Variants in LOC400499 observed in about 807,000 individuals in gnomAD.
the LOC400499 span, among the ~76,000 whole-genome samples, chr16:11,377,080 A>G: frequency 6.6e-6 from 1 of 152,050 alleles, no homozygotes; most frequent in Non-Finnish European, 1.5e-5. Context: ...CAGCCTCCCA[A>G]GTAGCTGAGA....
the LOC400499 span, among the ~76,000 whole-genome samples, chr16:11,418,448 T>C: frequency 6.6e-6 from 1 of 152,184 alleles, no homozygotes; most frequent in Non-Finnish European, 1.5e-5. Context: ...AAGAGTGACC[T>C]CTGGTCGTCC....
At chr16:11,396,404 A>C in the LOC400499 span, 1 of 1,068,476 alleles carries the variant, frequency 9.4e-7, no homozygotes, top group Non-Finnish European at 1.2e-6. Flanking sequence ...GATAGCCACT[A>C]GATGGCGGGG....
chr16:11,505,674 C>T, the LOC400499 span, among the ~76,000 whole-genome samples: 3 of 151,814 alleles, frequency 2.0e-5, no homozygotes, highest in Non-Finnish European at 2.9e-5. Context: ...TCTCAAACCC[C>T]TGGGGTTTAA....
the LOC400499 span, chr16:11,475,764 A>T: frequency 5.0e-6 from 2 of 397,970 alleles, no homozygotes; most frequent in East Asian, 7.1e-5. Flanking sequence ...TCATTCATTC[A>T]TTAGACAAGT....
At chr16:11,514,607 C>G in the LOC400499 span, 1 of 399,554 alleles carries the variant, frequency 2.5e-6, no homozygotes. Context: ...CAGCTGGGAC[C>G]AAGGGGAGGA....
chr16:11,423,446 G>A, the LOC400499 span, among the ~76,000 whole-genome samples: 2 of 152,232 alleles, frequency 1.3e-5, no homozygotes, highest in African/African-American at 2.4e-5. Context: ...GAAGGTAAAC[G>A]GAGCTCCCAG....
chr16:11,415,924 C>A, the LOC400499 span, among the ~76,000 whole-genome samples: 14 of 149,400 alleles, frequency 9.4e-5, no homozygotes, highest in African/African-American at 3.3e-4. Context: ...AGGCTAACGG[C>A]CAAAAATAAA....
chr16:11,422,977 GC>G, the LOC400499 span, among the ~76,000 whole-genome samples: 1 of 152,008 alleles, frequency 6.6e-6, no homozygotes, highest in Non-Finnish European at 1.5e-5. Flanking sequence ...TTGAGCTGAT[GC>G]CCCTGGGAAC....
At chr16:11,398,537 G>A in the LOC400499 span, 6 of 1,231,314 alleles carry the variant, frequency 4.9e-6, no homozygotes, top group Non-Finnish European at 5.1e-6. Context: ...ATGGGTCAGG[G>A]GCTCATCACC....
chr16:11,403,365 C>G, the LOC400499 span, among the ~76,000 whole-genome samples: 3 of 152,236 alleles, frequency 2.0e-5, no homozygotes, highest in African/African-American at 7.2e-5. Flanking sequence ...ACTGTCAACA[C>G]CGTGTGGGGC....
the LOC400499 span, among the ~76,000 whole-genome samples, chr16:11,378,478 G>A: frequency 6.6e-6 from 1 of 152,092 alleles, no homozygotes; most frequent in African/African-American, 2.4e-5. Context: ...TTGCCAAGCT[G>A]GGCTCAAACT....
chr16:11,501,229 T>C, the LOC400499 span, among the ~76,000 whole-genome samples: 3 of 152,010 alleles, frequency 2.0e-5, no homozygotes, highest in Admixed American at 2.0e-4. Flanking sequence ...CCGTACCCAG[T>C]GCTCTGCTGA....
chr16:11,377,855 G>T, the LOC400499 span, among the ~76,000 whole-genome samples: 7 of 152,186 alleles, frequency 4.6e-5, no homozygotes, highest in Non-Finnish European at 7.3e-5. Context: ...GGAAGAATAT[G>T]AGCAGGATTG....
the LOC400499 span, among the ~76,000 whole-genome samples, chr16:11,506,630 T>G: frequency 2.0e-5 from 3 of 152,116 alleles, no homozygotes; most frequent in Non-Finnish European, 4.4e-5. Flanking sequence ...TCCTCCTCCT[T>G]TGTTCCTTAG....
At chr16:11,502,225 G>C in the LOC400499 span, 1 of 398,692 alleles carries the variant, frequency 2.5e-6, no homozygotes, top group Non-Finnish European at 4.4e-6. Context: ...CAGTGCGGGG[G>C]ATCCCCGAAG....
At chr16:11,521,978 G>A in the LOC400499 span, 3 of 399,194 alleles carry the variant, frequency 7.5e-6, no homozygotes, top group African/African-American at 2.1e-5. Flanking sequence ...CACAGGCCAA[G>A]CACATCAAGG....
At chr16:11,497,982 C>T in the LOC400499 span, among the ~76,000 whole-genome samples, 2 of 152,116 alleles carry the variant, frequency 1.3e-5, no homozygotes, top group Non-Finnish European at 2.9e-5. Flanking sequence ...AAACCTGTGA[C>T]CCTTATTAAG....
chr16:11,445,795 G>C, the LOC400499 span, among the ~76,000 whole-genome samples: 1 of 151,956 alleles, frequency 6.6e-6, no homozygotes, highest in Non-Finnish European at 1.5e-5. Context: ...GACTGTACTA[G>C]GGAGGACCAA....
the LOC400499 span, among the ~76,000 whole-genome samples, chr16:11,406,100 C>T: frequency 6.6e-6 from 1 of 152,174 alleles, no homozygotes; most frequent in African/African-American, 2.4e-5. Flanking sequence ...GACTGGGCTT[C>T]CAGCGTCCCT....
Sources: gnomAD v4.1 joint callset for allele counts (sites outside exome capture counted in the v4.1 genomes callset) on GRCh38, gnomAD v4.1.1 for gene constraint, MANE v1.5 for transcripts.